The following HDAC9 variants were observed in gnomAD, a reference collection of about 807,000 sequenced individuals.
HDAC9 encodes histone deacetylase 9, also known as MEF-2 interacting transcription repressor (MITR) protein.
HDAC9 carries 41 observed loss-of-function variants against 139.4 expected under a neutral mutation model. The observed-to-expected ratio is 0.29, with a 90% CI of 0.23 to 0.38. HDAC9 has a LOEUF of 0.38. HDAC9 is among the 10% of genes least tolerant of loss of function. HDAC9 has a pLI of 1.00. For synonymous variants in HDAC9, 517 were observed against 476.2 expected, an observed-to-expected ratio of 1.09 and a Z score of -1.12; for missense variants, 1,147 against 1,297.0, an observed-to-expected ratio of 0.88 and a Z score of 1.78.
intron 11 of HDAC9, among the ~76,000 whole-genome samples, chr7:18,659,064 T>A (rs558150673): frequency 1.2e-4 from 18 of 152,274 alleles, no homozygotes; most frequent in African/African-American, 4.1e-4. Flanking sequence ...AATGGTATGT[T>A]GACAATGTCA....
intron 22 of HDAC9, among the ~76,000 whole-genome samples, chr7:18,932,050 C>T (rs1438296654): frequency 6.6e-6 from 1 of 152,052 alleles, no homozygotes; most frequent in African/African-American, 2.4e-5. Context: ...CAAAATGATG[C>T]AAAATGTTAA....
chr7:18,604,179 C>A (rs1834762323), intron 6 of HDAC9, among the ~76,000 whole-genome samples: 3 of 151,810 alleles, frequency 2.0e-5, no homozygotes, highest in Admixed American at 2.0e-4. Flanking sequence ...TGGATAATTC[C>A]CAGCCATTAT....
Position 18,999,070 on chromosome 7 carries a change from A to G in HDAC9, c.*3008A>G, listed in dbSNP as rs1786619790. On this transcript the variant is annotated 3_prime_UTR_variant, in exon 26 of 26. Coordinates refer to ENST00000686413, the MANE Select transcript of HDAC9 (RefSeq NM_178425.4). The stretch of plus-strand genomic sequence containing the variant: ...GAGATGAACTATCTTTAAATATTGT[A>G]ACAAGTTTATAACATCAATAGTGGA... The G allele has an allele frequency of 6.6e-6, 1 of 152,232 alleles. No homozygotes were observed. 9.4% of individuals were successfully genotyped at this position (152,232 alleles called of 1,614,324 possible). A position where few individuals can be genotyped will look rare whatever the true frequency, so the allele number is the denominator to read the frequency against.
At chr7:18,606,183 C>T (rs914302198) in intron 6 of HDAC9, among the ~76,000 whole-genome samples, 13 of 152,192 alleles carry the variant, frequency 8.5e-5, no homozygotes, top group African/African-American at 2.9e-4. Context: ...GCCCTGCAAC[C>T]TTAATTCTCT....
intron 2 of HDAC9, among the ~76,000 whole-genome samples, chr7:18,170,272 C>T (rs1017923868): frequency 1.3e-5 from 2 of 152,160 alleles, no homozygotes; most frequent in Non-Finnish European, 2.9e-5. Flanking sequence ...TGAGAAGTGT[C>T]TGTTCATATC....
At chr7:18,905,651 G>C (rs991698060) in intron 22 of HDAC9, among the ~76,000 whole-genome samples, 10 of 152,284 alleles carry the variant, frequency 6.6e-5, no homozygotes, top group Admixed American at 2.6e-4. Flanking sequence ...AAGTTTTTGT[G>C]TATGAAAGCA....
chr7:18,269,327 G>T (rs542171355), intron 2 of HDAC9, among the ~76,000 whole-genome samples: 45 of 152,284 alleles, frequency 3.0e-4, no homozygotes, highest in Admixed American at 2.6e-3. Flanking sequence ...GAAAAAATGA[G>T]AAGTGGGTGT....
chr7:18,448,206 G>A (rs1792474699), intron 1 of HDAC9, among the ~76,000 whole-genome samples: 1 of 152,088 alleles, frequency 6.6e-6, no homozygotes, highest in Non-Finnish European at 1.5e-5. Flanking sequence ...AACTGTGATT[G>A]TTATAAATTA....
intron 2 of HDAC9, among the ~76,000 whole-genome samples, chr7:18,565,688 C>G (rs1822093634): frequency 6.6e-6 from 1 of 152,042 alleles, no homozygotes; most frequent in Non-Finnish European, 1.5e-5. Context: ...AACAAAGGTG[C>G]ATTTTGAAAT....
chr7:18,657,538 A>G (rs1470557329), intron 11 of HDAC9, among the ~76,000 whole-genome samples: 2 of 152,174 alleles, frequency 1.3e-5, no homozygotes, highest in African/African-American at 4.8e-5. Context: ...ATTATCAGGG[A>G]AAGAATCCTA....
chr7:18,406,024 C>A (rs1374099272), intron 1 of HDAC9, among the ~76,000 whole-genome samples: 1 of 152,088 alleles, frequency 6.6e-6, no homozygotes, highest in African/African-American at 2.4e-5. Context: ...AGTTTTAGAC[C>A]AATCATTGGT....
intron 1 of HDAC9, among the ~76,000 whole-genome samples, chr7:18,432,088 A>G (rs758522330): frequency 6.6e-6 from 1 of 152,162 alleles, no homozygotes; most frequent in African/African-American, 2.4e-5. Flanking sequence ...TTGTCTGACA[A>G]ATTCAATCAT....
At chr7:18,506,968 T>C (rs1799959028) in intron 2 of HDAC9, among the ~76,000 whole-genome samples, 1 of 152,126 alleles carries the variant, frequency 6.6e-6, no homozygotes, top group Non-Finnish European at 1.5e-5. Flanking sequence ...CTTTGTGTGC[T>C]TAATTCAAAC....
chr7:18,193,246 G>A (rs1291509632), intron 2 of HDAC9, among the ~76,000 whole-genome samples: 1 of 152,096 alleles, frequency 6.6e-6, no homozygotes, highest in African/African-American at 2.4e-5. Flanking sequence ...CTTAGGTAAA[G>A]TCAGATGAAA....
At position 18,270,292 on chromosome 7, in the gene HDAC9, A is replaced by AT. The variant is rs1318970351; in HGVS notation, c.25+107945dup. On this transcript the variant is annotated intron_variant, in intron 2 of 12. Transcript: ENST00000417496. Reference sequence around the variant, plus strand: ...TGCTTCTCAATAAATGTTTGTAGAAATTAAACAAAAAAAAAACTGTGACTT... The same window carrying AT: ...TGCTTCTCAATAAATGTTTGTAGAAATTTAAACAAAAAAAAAACTGTGACTT... Among the ~76,000 whole-genome samples, 10 of 73,536 alleles carry AT rather than the reference A, an allele frequency of 1.4e-4. No homozygotes were observed. The East Asian group carries it at 1.4e-3, about 10-fold the overall frequency. 48.2% of individuals were successfully genotyped at this position (73,536 alleles called of 152,430 possible).
chr7:18,621,094 A>G (rs1840084791), intron 6 of HDAC9, among the ~76,000 whole-genome samples: 1 of 152,132 alleles, frequency 6.6e-6, no homozygotes, highest in African/African-American at 2.4e-5. Flanking sequence ...TATCCTCATA[A>G]TGTATTTTTA....
At chr7:18,752,374 T>C (rs1788526537) in intron 14 of HDAC9, among the ~76,000 whole-genome samples, 1 of 152,030 alleles carries the variant, frequency 6.6e-6, no homozygotes, top group Admixed American at 6.6e-5. Context: ...ACTTATTCAC[T>C]CGACAGAGGA....
chr7:18,584,140 CTTTTTTTTTT>C (rs3084518), intron 2 of HDAC9, among the ~76,000 whole-genome samples: 2 of 107,754 alleles, frequency 1.9e-5, no homozygotes, highest in Admixed American at 2.4e-4. Flanking sequence ...AAGCAGCATT[CTTTTTTTTTT>C]TTTTTTTTTT....
At chr7:18,843,089 A>G (rs1166493211) in intron 21 of HDAC9, among the ~76,000 whole-genome samples, 2 of 152,104 alleles carry the variant, frequency 1.3e-5, no homozygotes, top group Non-Finnish European at 2.9e-5. Flanking sequence ...AAAGCCAAAA[A>G]TTTTCTGGAA....
Sources: allele counts gnomAD v4.1 joint callset (sites outside exome capture counted in the v4.1 genomes callset), GRCh38; gene constraint gnomAD v4.1.1; transcripts MANE v1.5; gene names NCBI Gene and HGNC (gene_info 2026-07-23, HGNC 2026-07-21).